The following ACTR2 variants were observed in gnomAD, a reference collection of about 807,000 sequenced individuals.
ACTR2 encodes actin related protein 2.
A neutral mutation model predicts 50.2 loss-of-function variants in ACTR2; 5 were observed. The ratio of observed to expected loss-of-function variants is 0.10; its 90% CI spans 0.05 to 0.21. The LOEUF is 0.21. Among genes scored for constraint, ACTR2 ranks in the 10% least tolerant of loss-of-function variants. The probability of loss-of-function intolerance (pLI) is 1.00; values close to 1 mark genes in which losing one functional copy is unlikely to be tolerated. For synonymous variants in ACTR2, 140 were observed against 162.9 expected (o/e 0.86, Z 1.07); for missense variants, 180 against 480.6 (o/e 0.37, Z 5.85).
intron 7 of ACTR2, among the ~76,000 whole-genome samples, chr2:65,263,097 G>A (rs1435003280): frequency 6.6e-6 from 1 of 151,632 alleles, no homozygotes; most frequent in East Asian, 1.9e-4. Context: ...CTGGAGTGCA[G>A]TGGTGCAGTC....
intron 2 of ACTR2, among the ~76,000 whole-genome samples, chr2:65,240,400 A>C (rs1340526150): frequency 1.3e-5 from 2 of 152,050 alleles, no homozygotes; most frequent in African/African-American, 2.4e-5. Context: ...TTTTTTATAT[A>C]GCCATTTAGG....
intron 4 of ACTR2, 100 bp downstream of exon 4, chr2:65,251,199 G>C (rs755741661): frequency 1.8e-5 from 12 of 666,180 alleles, no homozygotes; most frequent in Non-Finnish European, 2.5e-5. Context: ...ATAAGCCCCA[G>C]AAAACTACAT....
intron 3 of ACTR2, among the ~76,000 whole-genome samples, chr2:65,248,705 T>C (rs1025642737): frequency 6.6e-6 from 1 of 151,598 alleles, no homozygotes; most frequent in Non-Finnish European, 1.5e-5. Context: ...ACCAGAGAGA[T>C]AGGAGGAGCC....
chr2:65,252,990 A>C lies in ACTR2; in HGVS notation c.449-738A>C, dbSNP rs72892680. ...CCTTTTATTATAAGTTCCAGTGAAT[A>C]ATCAAAGTGATGCTTTGGCTAGCCA... is the stretch of plus-strand genomic sequence containing the variant. On this transcript the variant is annotated intron_variant, in intron 4 of 8. Coordinates refer to ENST00000260641, the MANE Select transcript of ACTR2 (RefSeq NM_005722.4). 7.3e-3 allele frequency among the ~76,000 whole-genome samples: 1,109 copies of C among 152,350 alleles called. 26 individuals carry two copies. The highest frequency in any genetic ancestry group is 0.025 in the African/African-American group (1,022 of 41,572).
In ACTR2 at chr2:65,246,698, C is replaced by A. The variant is rs1671944592; in HGVS notation, c.334C>A (p.Pro112Thr). The A allele has an allele frequency of 6.2e-7, 1 of 1,613,242 alleles. No individual in the cohort carries two copies. Among genetic ancestry groups the A allele is most frequent in the Non-Finnish European group, 8.5e-7 (1 of 1,179,766 alleles). Reference sequence around the variant, plus strand: ...AAATTGTAAAATCTTACTCACAGAACCTCCTATGAACCCAACCAAAAACAG... The same window carrying A: ...AAATTGTAAAATCTTACTCACAGAAACTCCTATGAACCCAACCAAAAACAG... ...TRNCKILLTE[P>T]PMNPTKNREK... Residue 112 changes from proline (P) to threonine (T), a missense_variant, in exon 3 of 9, where the codon CCT becomes ACT. Coordinates refer to ENST00000260641, the MANE Select transcript of ACTR2 (RefSeq NM_005722.4).
chr2:65,264,672 T>C (rs975303364), intron 7 of ACTR2, among the ~76,000 whole-genome samples: 1 of 152,032 alleles, frequency 6.6e-6, no homozygotes, highest in Non-Finnish European at 1.5e-5. Context: ...AAGCAGGAAT[T>C]CTGGATTAAA....
At chr2:65,234,779 A>T (rs1208003717) in intron 1 of ACTR2, among the ~76,000 whole-genome samples, 3 of 152,176 alleles carry the variant, frequency 2.0e-5, no homozygotes, top group Non-Finnish European at 2.9e-5. Context: ...ATTTATTTGC[A>T]TTCAGCATGC....
chr2:65,268,120 C>T (rs1219475649), intron 8 of ACTR2, among the ~76,000 whole-genome samples: 3 of 151,916 alleles, frequency 2.0e-5, no homozygotes, highest in Non-Finnish European at 4.4e-5. Flanking sequence ...TACACTTGAG[C>T]CACCACACCC....
At chr2:65,244,251 A>G (rs1460375901) in intron 2 of ACTR2, among the ~76,000 whole-genome samples, 1 of 152,208 alleles carries the variant, frequency 6.6e-6, no homozygotes, top group Non-Finnish European at 1.5e-5. Flanking sequence ...ACTTATTTCA[A>G]ATTGGTTGAA....
intron 2 of ACTR2, 130 bp from the exon 3 acceptor site, chr2:65,246,394 A>G (rs1374378876): frequency 1.5e-6 from 1 of 675,022 alleles, no homozygotes; most frequent in Non-Finnish European, 2.5e-6. Flanking sequence ...TTCTTGATAG[A>G]AAAGATTTTC....
chr2:65,239,151 T>C (rs1370568761), intron 1 of ACTR2, among the ~76,000 whole-genome samples: 1 of 151,964 alleles, frequency 6.6e-6, no homozygotes. Context: ...CACATTTCTC[T>C]TTCTAAAAAT....
intron 1 of ACTR2, among the ~76,000 whole-genome samples, chr2:65,228,643 G>GC (rs1248776642): frequency 6.6e-6 from 1 of 151,960 alleles, no homozygotes; most frequent in Non-Finnish European, 1.5e-5. Flanking sequence ...CTAGGATCCC[G>GC]CAAGACTCAA....
chr2:65,253,260 C>G (rs1459505750), intron 4 of ACTR2, among the ~76,000 whole-genome samples: 1 of 152,010 alleles, frequency 6.6e-6, no homozygotes, highest in African/African-American at 2.4e-5. Flanking sequence ...GGCAACATGG[C>G]GAAACTCTGT....
At chr2:65,236,482 A>G (rs1369216815) in intron 1 of ACTR2, among the ~76,000 whole-genome samples, 4 of 149,132 alleles carry the variant, frequency 2.7e-5, no homozygotes, top group Non-Finnish European at 5.9e-5. Flanking sequence ...GGAGAGCTAC[A>G]TAAGATCTTG....
intron 6 of ACTR2, 149 bp from the exon 7 acceptor site, chr2:65,261,097 CT>C (rs968038146): frequency 1.4e-4 from 100 of 736,328 alleles, no homozygotes; most frequent in Non-Finnish European, 2.0e-4. Context: ...TTTAATTTAC[CT>C]TTTTTTCCCC....
intron 1 of ACTR2, among the ~76,000 whole-genome samples, chr2:65,230,660 T>G (rs1671618877): frequency 6.6e-6 from 1 of 151,980 alleles, no homozygotes; most frequent in Non-Finnish European, 1.5e-5. Flanking sequence ...ATCTGCCCAC[T>G]GCGGCCTCCT....
intron 6 of ACTR2, among the ~76,000 whole-genome samples, chr2:65,258,015 G>C (rs1278279816): frequency 6.6e-6 from 1 of 152,150 alleles, no homozygotes; most frequent in African/African-American, 2.4e-5. Context: ...TGAAGTCTTT[G>C]CCCATGCCTA....
At chr2:65,257,012 G>A (rs1273880707) in intron 6 of ACTR2, among the ~76,000 whole-genome samples, 1 of 151,932 alleles carries the variant, frequency 6.6e-6, no homozygotes, top group Admixed American at 6.6e-5. Flanking sequence ...TTGTTACATA[G>A]GTACACATGT....
chr2:65,244,960 G>A (rs905987381), intron 2 of ACTR2, among the ~76,000 whole-genome samples: 8 of 144,070 alleles, frequency 5.6e-5, no homozygotes, highest in African/African-American at 1.9e-4. Context: ...AAAAAAAAAA[G>A]AGTGTAAACA....
Sources: gnomAD v4.1 joint callset for allele counts (sites outside exome capture counted in the v4.1 genomes callset) on GRCh38, gnomAD v4.1.1 for gene constraint, MANE v1.5 for transcripts, NCBI Gene and HGNC (gene_info 2026-07-23, HGNC 2026-07-21) for gene names.